MNS1: variants seen among roughly 807,000 people sequenced by gnomAD.
The protein encoded by MNS1 is meiosis-specific nuclear structural protein 1.
Under a neutral mutation model 72.0 loss-of-function variants are expected in MNS1, and 63 were observed. The observed-to-expected ratio is 0.87, with a 90% confidence interval of 0.71 to 1.08. MNS1 has a LOEUF of 1.08. MNS1 is among the 50% of genes least tolerant of loss of function. The pLI is 0.00. For missense variants in MNS1, 604 were observed against 562.4 expected (o/e 1.07, Z -0.75); for synonymous variants, 188 against 172.1 (o/e 1.09, Z -0.72).
chr15:56,441,658 C>T (rs1002216340), intron 7 of MNS1, among the ~76,000 whole-genome samples: 1 of 152,124 alleles, frequency 6.6e-6, no homozygotes, highest in Admixed American at 6.5e-5. Context: ...GCAAACTATG[C>T]ATCTGACAAA....
At chr15:56,459,712 G>A (rs1199954795) in intron 2 of MNS1, among the ~76,000 whole-genome samples, 4 of 151,850 alleles carry the variant, frequency 2.6e-5, no homozygotes, top group Admixed American at 6.6e-5. Context: ...GGCTGGGCAC[G>A]GTGGCTCATG....
At chr15:56,458,295 T>A (rs554479071) in intron 2 of MNS1, among the ~76,000 whole-genome samples, 2 of 152,010 alleles carry the variant, frequency 1.3e-5, no homozygotes, top group Admixed American at 6.6e-5. Context: ...TTAAAAAAAA[T>A]AGACTTTGAA....
In MNS1 at chr15:56,464,008, A is replaced by T. The variant is rs761805470; in HGVS notation, c.225+18T>A. The T allele has an allele frequency of 2.3e-5, 36 of 1,582,262 alleles. No individual in the cohort carries two copies. Among genetic ancestry groups the T allele is most frequent in the Non-Finnish European group, 2.9e-5 (34 of 1,162,606 alleles). On this transcript the variant is annotated intron_variant, in intron 2 of 9. Transcript: ENST00000260453. ...GTGCAAAATGAAAAAAAAAGTAACAATGAATAGTAAAACTTACCTTTTGAA... is the reference window on the plus strand; with the variant it reads ...GTGCAAAATGAAAAAAAAAGTAACATTGAATAGTAAAACTTACCTTTTGAA...
At chr15:56,460,909 C>A (rs1360583107) in intron 2 of MNS1, among the ~76,000 whole-genome samples, 1 of 152,184 alleles carries the variant, frequency 6.6e-6, no homozygotes, top group Non-Finnish European at 1.5e-5. Context: ...GTTCTAAGAT[C>A]TGCAAGGTGA....
chr15:56,461,242 GTTT>G (rs145917152), intron 2 of MNS1, among the ~76,000 whole-genome samples: 2 of 152,118 alleles, frequency 1.3e-5, no homozygotes, highest in African/African-American at 4.8e-5. Context: ...CGAGAATGAT[GTTT>G]TATCAAATAC....
chr15:56,461,827 A>C (rs570329909), intron 2 of MNS1, among the ~76,000 whole-genome samples: 94 of 152,144 alleles, frequency 6.2e-4, no homozygotes, highest in East Asian at 1.2e-3. Flanking sequence ...CAAAAACTAA[A>C]TAAAACAAAA....
At chr15:56,464,947 T>G in intron 1 of MNS1, 23 bp downstream of exon 1, 2 of 1,611,116 alleles carry the variant, frequency 1.2e-6, no homozygotes, top group Admixed American at 3.4e-5. Context: ...AACAAGTAGT[T>G]TCAAGTCCCC....
intron 8 of MNS1, 140 bp downstream of exon 8, chr15:56,433,998 T>G (rs1383399111): frequency 1.1e-5 from 10 of 901,078 alleles, no homozygotes; most frequent in Non-Finnish European, 1.6e-5. Context: ...GCAAAAATGG[T>G]CAGAAAATTT....
intron 6 of MNS1, 42 bp from the exon 7 acceptor site, chr15:56,443,579 A>C (rs762493342): frequency 2.5e-6 from 4 of 1,584,198 alleles, no homozygotes; most frequent in Non-Finnish European, 3.4e-6. Flanking sequence ...ATAGGATCCA[A>C]ATTCTGTAAC....
intron 7 of MNS1, among the ~76,000 whole-genome samples, chr15:56,439,833 C>T: frequency 6.7e-6 from 1 of 148,620 alleles, no homozygotes; most frequent in East Asian, 1.9e-4. Context: ...TCTTCAATAA[C>T]TAGGCGAAGA....
At chr15:56,442,052 A>C (rs544331000) in intron 7 of MNS1, among the ~76,000 whole-genome samples, 1 of 151,880 alleles carries the variant, frequency 6.6e-6, no homozygotes, top group Non-Finnish European at 1.5e-5. Context: ...ATAAATAAAT[A>C]AAAAGAAAAA....
At chr15:56,455,627 G>A (rs1198367141) in intron 3 of MNS1, among the ~76,000 whole-genome samples, 1 of 152,132 alleles carries the variant, frequency 6.6e-6, no homozygotes, top group Non-Finnish European at 1.5e-5. Context: ...GATTAACACT[G>A]TGACAAGGCT....
At chr15:56,445,154 T>C (rs1424923562) in intron 4 of MNS1, among the ~76,000 whole-genome samples, 1 of 152,028 alleles carries the variant, frequency 6.6e-6, no homozygotes, top group Admixed American at 6.6e-5. Flanking sequence ...GCCTAAACTT[T>C]CTTTCCTGCC....
intron 7 of MNS1, among the ~76,000 whole-genome samples, chr15:56,442,299 C>T (rs1184907931): frequency 1.3e-5 from 2 of 152,076 alleles, no homozygotes; most frequent in East Asian, 1.9e-4. Context: ...ACTAGTTCAA[C>T]CACTGTGAAA....
intron 9 of MNS1, among the ~76,000 whole-genome samples, chr15:56,430,316 C>G (rs1377915092): frequency 1.3e-5 from 2 of 152,182 alleles, no homozygotes; most frequent in Non-Finnish European, 2.9e-5. Context: ...AAGCAATCTT[C>G]CAACCTCAGC....
intron 7 of MNS1, among the ~76,000 whole-genome samples, chr15:56,442,757 G>A (rs531174613): frequency 6.6e-6 from 1 of 152,228 alleles, no homozygotes; most frequent in East Asian, 1.9e-4. Flanking sequence ...TAGGAGGAGG[G>A]TGAGGATCAA....
intron 3 of MNS1, 36 bp from the exon 4 acceptor site, chr15:56,446,979 G>A (rs77189834): frequency 0.05 from 72,339 of 1,433,984 alleles, 2,299 homozygotes; most frequent in Admixed American, 0.12. Flanking sequence ...TAAATGTTAG[G>A]ACCATAAGAG....
intron 5 of MNS1, 110 bp from the exon 6 acceptor site, chr15:56,443,964 G>A: frequency 2.4e-6 from 2 of 841,956 alleles, no homozygotes; most frequent in Non-Finnish European, 3.5e-6. Flanking sequence ...TTTCATTCGT[G>A]CATGCAACAA....
intron 7 of MNS1, among the ~76,000 whole-genome samples, chr15:56,437,486 A>G (rs1347802847): frequency 2.6e-5 from 4 of 152,186 alleles, no homozygotes; most frequent in Non-Finnish European, 5.9e-5. Flanking sequence ...AGAGCTATTT[A>G]TGACAAACCC....
Sources: gnomAD v4.1 joint callset for allele counts (sites outside exome capture counted in the v4.1 genomes callset) on GRCh38, gnomAD v4.1.1 for gene constraint, MANE v1.5 for transcripts, NCBI Gene and HGNC (gene_info 2026-07-23, HGNC 2026-07-21) for gene names.